Variants in ERBB4 observed in about 807,000 individuals in gnomAD.
ERBB4 encodes the protein erb-b2 receptor tyrosine kinase 4, also known as receptor tyrosine-protein kinase erbB-4.
Under a neutral mutation model 158.0 loss-of-function variants are expected in ERBB4, and 42 were observed. The ratio of observed to expected loss-of-function variants is 0.27; its 90% CI spans 0.21 to 0.34. ERBB4 has a LOEUF of 0.34. Among genes scored for constraint, ERBB4 ranks in the 10% least tolerant of loss-of-function variants. The pLI is 1.00. For missense variants in ERBB4, 1,333 were observed against 1,624.1 expected, an observed-to-expected ratio of 0.82 and a Z score of 3.08; for synonymous variants, 583 against 558.7, an observed-to-expected ratio of 1.04 and a Z score of -0.61.
chr2:211,474,094 C>T (rs1458558389), intron 20 of ERBB4, among the ~76,000 whole-genome samples: 1 of 151,968 alleles, frequency 6.6e-6, no homozygotes, highest in African/African-American at 2.4e-5. Context: ...CTTTGTCTTT[C>T]TCTCACTTAT....
intron 3 of ERBB4, among the ~76,000 whole-genome samples, chr2:211,869,552 G>T (rs1460897744): frequency 4.6e-5 from 7 of 152,046 alleles, no homozygotes; most frequent in Admixed American, 4.6e-4. Flanking sequence ...GGTTGCATAG[G>T]CCAACTTGTT....
intron 19 of ERBB4, among the ~76,000 whole-genome samples, chr2:211,613,968 C>T (rs1373414162): frequency 6.6e-6 from 1 of 152,028 alleles, no homozygotes; most frequent in Non-Finnish European, 1.5e-5. Flanking sequence ...TATCTGCACT[C>T]CTATGATTGT....
chr2:211,578,226 T>G (rs1185002787), intron 19 of ERBB4, among the ~76,000 whole-genome samples: 1 of 151,946 alleles, frequency 6.6e-6, no homozygotes, highest in Non-Finnish European at 1.5e-5. Context: ...GAATAAAATA[T>G]GTAGGAATAC....
At chr2:211,957,852 A>T (rs940395835) in intron 2 of ERBB4, among the ~76,000 whole-genome samples, 2 of 152,166 alleles carry the variant, frequency 1.3e-5, no homozygotes, top group African/African-American at 2.4e-5. Context: ...ATTAAGAGTG[A>T]CAGTTTCATG....
intron 16 of ERBB4, among the ~76,000 whole-genome samples, chr2:211,640,144 A>G (rs2070520972): frequency 6.6e-6 from 1 of 152,104 alleles, no homozygotes; most frequent in Non-Finnish European, 1.5e-5. Context: ...TCCTTGTTTT[A>G]TACTGAAAGA....
At chr2:212,133,506 C>T (rs1439820082) in intron 1 of ERBB4, among the ~76,000 whole-genome samples, 1 of 151,168 alleles carries the variant, frequency 6.6e-6, no homozygotes, top group African/African-American at 2.4e-5. Flanking sequence ...GAATGCAAGC[C>T]TCATAAGAGA....
intron 4 of ERBB4, among the ~76,000 whole-genome samples, chr2:211,768,661 T>C (rs906662184): frequency 6.6e-6 from 1 of 152,164 alleles, no homozygotes; most frequent in Non-Finnish European, 1.5e-5. Flanking sequence ...TCCTGAACTG[T>C]ATGTTGGCTC....
intron 15 of ERBB4, among the ~76,000 whole-genome samples, chr2:211,661,322 A>G (rs1343032025): frequency 6.6e-6 from 1 of 152,192 alleles, no homozygotes; most frequent in East Asian, 1.9e-4. Context: ...AGATCACAGA[A>G]CAACAGAAAC....
chr2:212,461,349 C>A (rs1688563792), intron 1 of ERBB4, among the ~76,000 whole-genome samples: 2 of 152,202 alleles, frequency 1.3e-5, no homozygotes, highest in African/African-American at 4.8e-5. Context: ...GGGAACCCAC[C>A]TCTTGCATCC....
intron 3 of ERBB4, among the ~76,000 whole-genome samples, chr2:211,838,543 T>C (rs2077393020): frequency 6.6e-6 from 1 of 152,154 alleles, no homozygotes; most frequent in Non-Finnish European, 1.5e-5. Flanking sequence ...AACCATTCTT[T>C]TCCCATTGTC....
At chr2:212,232,350 A>G (rs1027440166) in intron 1 of ERBB4, among the ~76,000 whole-genome samples, 2 of 152,210 alleles carry the variant, frequency 1.3e-5, no homozygotes, top group African/African-American at 4.8e-5. Context: ...AAGGAAAACA[A>G]TAAATCTACT....
intron 1 of ERBB4, among the ~76,000 whole-genome samples, chr2:212,184,309 G>A (rs987048227): frequency 6.6e-6 from 1 of 151,900 alleles, no homozygotes; most frequent in Non-Finnish European, 1.5e-5. Flanking sequence ...CGAAAACCCT[G>A]TGTTCTTGAA....
intron 4 of ERBB4, among the ~76,000 whole-genome samples, chr2:211,759,521 T>A (rs1297295208): frequency 6.6e-6 from 1 of 152,040 alleles, no homozygotes; most frequent in African/African-American, 2.4e-5. Flanking sequence ...TCTCCTGCTG[T>A]TCCTAGGACA....
chr2:211,679,035 C>A lies in ERBB4; in HGVS notation c.1622+17G>T, dbSNP rs2072226914. On this transcript the variant is annotated intron_variant, in intron 13 of 27. Transcript: ENST00000342788. ...TCAAAGCTCATGAGGTGAAGGCAACCCTAGAAGAAGCCTTACCCATCATAG... is the reference window on the plus strand; with the variant it reads ...TCAAAGCTCATGAGGTGAAGGCAACACTAGAAGAAGCCTTACCCATCATAG... 6.2e-7 allele frequency: 1 copy of A among 1,602,724 alleles called. No homozygotes were observed. The highest frequency in any genetic ancestry group is 8.5e-7 in the Non-Finnish European group (1 of 1,173,194).
At chr2:211,967,511 G>A (rs542827892) in intron 2 of ERBB4, among the ~76,000 whole-genome samples, 98 of 152,078 alleles carry the variant, frequency 6.4e-4, no homozygotes, top group Non-Finnish European at 6.8e-4. Context: ...AAAATGAAGA[G>A]TTACTCAAGA....
chr2:212,044,891 G>A (rs1039466642), intron 2 of ERBB4, among the ~76,000 whole-genome samples: 2 of 150,704 alleles, frequency 1.3e-5, no homozygotes, highest in African/African-American at 2.4e-5. Context: ...GTTATGTGTT[G>A]TTTTTGATGG....
At chr2:212,412,369 C>A (rs544109790) in intron 1 of ERBB4, among the ~76,000 whole-genome samples, 330 of 152,276 alleles carry the variant, frequency 2.2e-3, no homozygotes, top group Middle Eastern at 3.4e-3. Flanking sequence ...TGGCTTAATG[C>A]CCTCCCTTTG....
intron 3 of ERBB4, among the ~76,000 whole-genome samples, chr2:211,946,319 C>G (rs1379168980): frequency 1.3e-5 from 2 of 151,814 alleles, no homozygotes; most frequent in Non-Finnish European, 2.9e-5. Flanking sequence ...ATTTAATATC[C>G]ACTTCAAATA....
chr2:212,354,229 A>G (rs1435756519), intron 1 of ERBB4, among the ~76,000 whole-genome samples: 1 of 152,112 alleles, frequency 6.6e-6, no homozygotes, highest in East Asian at 1.9e-4. Context: ...ACTGTCCCTA[A>G]GCAGCTTCAT....
Sources: allele counts gnomAD v4.1 joint callset (sites outside exome capture counted in the v4.1 genomes callset), GRCh38; gene constraint gnomAD v4.1.1; transcripts MANE v1.5; gene names NCBI Gene and HGNC (gene_info 2026-07-23, HGNC 2026-07-21).